The following FAT3 variants were observed in gnomAD, a reference collection of about 807,000 sequenced individuals.
FAT3 encodes FAT atypical cadherin 3, also known as protocadherin Fat 3.
FAT3 carries 95 observed loss-of-function variants against 310.2 expected under a neutral mutation model. That is an observed-to-expected ratio of 0.31 (90% confidence interval 0.26 to 0.36). The LOEUF (loss-of-function observed/expected upper bound fraction) is 0.36. Among genes scored for constraint, FAT3 ranks in the 10% least tolerant of loss-of-function variants. The probability of loss-of-function intolerance (pLI) is 1.00; values close to 1 mark genes in which losing one functional copy is unlikely to be tolerated. For synonymous variants in FAT3, 2,314 were observed against 2,192.9 expected, an observed-to-expected ratio of 1.06 and a Z score of -1.54; for missense variants, 5,408 against 5,715.6, an observed-to-expected ratio of 0.95 and a Z score of 1.74.
In FAT3 at chr11:92,798,491, G is replaced by A; in HGVS notation, c.5478G>A (p.Val1826=). The change falls in exon 10 of 28, where the codon GTG becomes GTA. Residue 1826 remains valine (V), a synonymous_variant. Transcript: ENST00000525166. ...VESTAKKFFT[V]DSSTGAIRTI... ...CAACAGCAAAAAAGTTTTTCACGGT[G>A]GACTCCAGTACAGGTGCAATCAGAA... The A allele has an allele frequency of 2.5e-6, 4 of 1,613,604 alleles. No individual in the cohort carries two copies. The highest frequency in any genetic ancestry group is 3.4e-6 in the Non-Finnish European group (4 of 1,179,826).
At chr11:92,645,817 G>A (rs1200460449) in intron 3 of FAT3, among the ~76,000 whole-genome samples, 2 of 152,168 alleles carry the variant, frequency 1.3e-5, no homozygotes, top group African/African-American at 4.8e-5. Context: ...CTACTAGTGT[G>A]ACAGAGATAT....
chr11:92,326,086 G>C (rs1375596007), intron 1 of FAT3, among the ~76,000 whole-genome samples: 1 of 152,204 alleles, frequency 6.6e-6, no homozygotes, highest in Non-Finnish European at 1.5e-5. Flanking sequence ...CAGACAACCA[G>C]TACTGAACAC....
intron 1 of FAT3, among the ~76,000 whole-genome samples, chr11:92,255,416 T>C (rs982972512): frequency 2.0e-5 from 3 of 151,742 alleles, no homozygotes; most frequent in Non-Finnish European, 4.4e-5. Flanking sequence ...GTCTACCTCA[T>C]TGGATACTCA....
chr11:92,509,860 A>G (rs1217202703), intron 2 of FAT3, among the ~76,000 whole-genome samples: 4 of 152,198 alleles, frequency 2.6e-5, no homozygotes, highest in Non-Finnish European at 5.9e-5. Context: ...GGATCATGAC[A>G]TAATCAGCAC....
In FAT3 at chr11:92,895,457, T is replaced by C. The variant is rs1274486709; in HGVS notation, c.*4344T>C. On this transcript the variant is annotated 3_prime_UTR_variant, in exon 28 of 28. Transcript: ENST00000525166. ...TTCCTTATGTAATAATGAAAAGCAA[T>C]AATTACAAGTAGGTAATAATACACA... 6.6e-6 allele frequency: 1 copy of C among 152,190 alleles called. No individual in the cohort carries two copies. The highest frequency in any genetic ancestry group is 1.5e-5 in the Non-Finnish European group (1 of 68,022). 9.4% of individuals were successfully genotyped at this position (152,190 alleles called of 1,614,324 possible). A position where few individuals can be genotyped will look rare whatever the true frequency, so the allele number is the denominator to read the frequency against.
chr11:92,482,220 A>C (rs1187750220), intron 2 of FAT3, among the ~76,000 whole-genome samples: 1 of 152,166 alleles, frequency 6.6e-6, no homozygotes, highest in Non-Finnish European at 1.5e-5. Flanking sequence ...TCCATTTATC[A>C]TCATTTCCAA....
Position 92,844,702 on chromosome 11 carries a change from T to C in FAT3, c.11335T>C (p.Phe3779Leu). 6.4e-7 allele frequency: 1 copy of C among 1,570,030 alleles called. No individual in the cohort carries two copies. Among genetic ancestry groups the C allele is most frequent in the Non-Finnish European group, 8.7e-7 (1 of 1,153,070 alleles). Residue 3779 changes from phenylalanine (F) to leucine (L), a missense_variant, in exon 19 of 28, where the codon TTC becomes CTC. Physicochemically the swap from Phe to Leu is conservative, Grantham distance 22. Coordinates refer to ENST00000525166, the MANE Select transcript of FAT3 (RefSeq NM_001367949.2). Reference protein sequence around the residue: ...TARISFVCPRFYRNVRCTCNG... With the variant: ...TARISFVCPRLYRNVRCTCNG... ...TCGCATCAGCTTTGTGTGTCCGCGT[T>C]TCTACAGGAACGTGCGTTGCACCTG... is the stretch of plus-strand genomic sequence containing the variant.
chr11:92,317,320 T>C (rs113053796), intron 1 of FAT3, among the ~76,000 whole-genome samples: 4,332 of 152,278 alleles, frequency 0.028, 225 homozygotes, highest in African/African-American at 0.098. Flanking sequence ...TCAGTTTTAC[T>C]TACTACAGCT....
intron 4 of FAT3, among the ~76,000 whole-genome samples, chr11:92,700,681 C>T (rs1459602731): frequency 1.3e-5 from 2 of 152,158 alleles, no homozygotes; most frequent in East Asian, 3.9e-4. Flanking sequence ...CTCCAGCAAC[C>T]TCGTTGCCCT....
Position 92,352,337 on chromosome 11 carries a change from A to G in FAT3, c.225A>G (p.Leu75=), listed in dbSNP as rs560453745. Reference sequence around the variant, plus strand: ...GAATGGGCATCACCTTAATAGATCTATCCTGGGATATCAAATACAGAATAG... The same window carrying G: ...GAATGGGCATCACCTTAATAGATCTGTCCTGGGATATCAAATACAGAATAG... ...QSRMGITLID[L]SWDIKYRIVS... is the part of the protein sequence containing the mutation. The change falls in exon 2 of 28, where the codon CTA becomes CTG. Residue 75 remains leucine (L), a synonymous_variant. Coordinates refer to ENST00000525166, the MANE Select transcript of FAT3 (RefSeq NM_001367949.2). The G allele has an allele frequency of 1.0e-5, 16 of 1,576,578 alleles. No homozygotes were observed. The African/African-American group carries it at 1.1e-4, about 11-fold the overall frequency.
chr11:92,398,467 C>A (rs529419849), intron 2 of FAT3, among the ~76,000 whole-genome samples: 1 of 142,514 alleles, frequency 7.0e-6, no homozygotes, highest in South Asian at 2.2e-4. Context: ...TGCCATTGTA[C>A]TCCAGCCTGG....
intron 3 of FAT3, among the ~76,000 whole-genome samples, chr11:92,605,717 ATG>A (rs1177509081): frequency 1.0e-4 from 9 of 89,588 alleles, no homozygotes; most frequent in African/African-American, 4.8e-4. Context: ...TAAAATAGCT[ATG>A]TTTTTTTTTT....
intron 4 of FAT3, among the ~76,000 whole-genome samples, chr11:92,748,138 C>T (rs1446823671): frequency 6.6e-6 from 1 of 152,198 alleles, no homozygotes; most frequent in East Asian, 1.9e-4. Flanking sequence ...GTTTAATTGA[C>T]TCACAGTTCC....
intron 2 of FAT3, chr11:92,400,848 A>T (rs1039712915): frequency 6.6e-6 from 1 of 152,186 alleles, no homozygotes; most frequent in African/African-American, 2.4e-5. Context: ...AAAGATTTAT[A>T]TAAGTATGTA....
At chr11:92,500,424 T>C (rs1952901283) in intron 2 of FAT3, among the ~76,000 whole-genome samples, 1 of 151,990 alleles carries the variant, frequency 6.6e-6, no homozygotes, top group Admixed American at 6.6e-5. Context: ...ATTGATGCCC[T>C]AAAATGCTGG....
intron 3 of FAT3, among the ~76,000 whole-genome samples, chr11:92,685,664 A>G (rs772557104): frequency 9.9e-5 from 15 of 151,456 alleles, no homozygotes; most frequent in Non-Finnish European, 2.1e-4. Flanking sequence ...GATGCCCTTC[A>G]TATGCCAGGC....
chr11:92,818,455 C>T (rs1381302911), intron 13 of FAT3, among the ~76,000 whole-genome samples: 1 of 152,154 alleles, frequency 6.6e-6, no homozygotes, highest in African/African-American at 2.4e-5. Flanking sequence ...GGCATGCAAA[C>T]ATCCTGCCAT....
At chr11:92,523,469 C>G (rs530184914) in intron 2 of FAT3, among the ~76,000 whole-genome samples, 3 of 152,244 alleles carry the variant, frequency 2.0e-5, no homozygotes, top group African/African-American at 7.2e-5. Flanking sequence ...TCCAGCCTAA[C>G]TGTTTCTGGA....
At chr11:92,658,525 G>T (rs139245690) in intron 3 of FAT3, among the ~76,000 whole-genome samples, 134 of 152,226 alleles carry the variant, frequency 8.8e-4, no homozygotes, top group African/African-American at 3.0e-3. Flanking sequence ...AGAGACACAG[G>T]GGAGGAGGCT....
Sources: gnomAD v4.1 joint callset for allele counts (sites outside exome capture counted in the v4.1 genomes callset) on GRCh38, gnomAD v4.1.1 for gene constraint, MANE v1.5 for transcripts, NCBI Gene and HGNC (gene_info 2026-07-23, HGNC 2026-07-21) for gene names.